Variants in ARTN observed in about 807,000 individuals in gnomAD.
The protein encoded by ARTN is neublastin.
In ARTN, 9 loss-of-function variants were observed where a neutral mutation model predicts 15.4. The ratio of observed to expected loss-of-function variants is 0.58; its 90% CI spans 0.35 to 1.02. The LOEUF (loss-of-function observed/expected upper bound fraction) is 1.02. Ranked by LOEUF, ARTN falls within the 50% of genes least tolerant of loss-of-function variation. The pLI is 0.02. For missense variants in ARTN, 284 were observed against 327.9 expected (o/e 0.87, Z 1.03); for synonymous variants, 163 against 155.8 (o/e 1.05, Z -0.35).
chr1:43,935,384 G>T, intron 2 of ARTN: 1 of 465,440 alleles, frequency 2.1e-6, no homozygotes, highest in Non-Finnish European at 3.8e-6. Context: ...AGCCTTGTTT[G>T]CTCATCTGGA....
chr1:43,935,393 G>A (rs2085079463), intron 2 of ARTN, 197 bp from the exon 3 acceptor site: 1 of 486,140 alleles, frequency 2.1e-6, no homozygotes, highest in Admixed American at 4.0e-5. Context: ...TGCTCATCTG[G>A]AAAAAGGGGA....
Position 43,936,216 on chromosome 1 carries a change from G to C in ARTN, c.184G>C (p.Ala62Pro), listed in dbSNP as rs1473023788. Reference sequence around the variant, plus strand: ...CCCCCCGCCTGTCCTGGCGTCCCCCGCCGGCCACCTGCCGGGTAGGTGAGA... The same window carrying C: ...CCCCCCGCCTGTCCTGGCGTCCCCCCCCGGCCACCTGCCGGGTAGGTGAGA... ...EGPPPVLASP[A>P]GHLPGGRTAR... is the part of the protein sequence containing the mutation. The change falls in exon 4 of 5, where the codon GCC becomes CCC. Residue 62 changes from alanine to proline, a missense_variant. By Grantham distance (27) the Ala-to-Pro change is conservative. Coordinates refer to ENST00000372359, the MANE Select transcript of ARTN (RefSeq NM_057091.3). This position sits in a 1 kb window ranked among gnomAD's most constrained non-coding sequence, Gnocchi z 6.6. 2.7e-6 allele frequency: 4 copies of C among 1,481,780 alleles called. No homozygotes were observed. Among genetic ancestry groups the C allele is most frequent in the Non-Finnish European group, 3.6e-6 (4 of 1,124,920 alleles). The allele number at this position is 1,481,780 out of a possible 1,614,324, so 91.8% of individuals were successfully genotyped here. A position where few individuals can be genotyped will look rare whatever the true frequency, so the allele number is the denominator to read the frequency against.
chr1:43,936,224 C>G lies in ARTN; in HGVS notation c.192C>G (p.His64Gln). The change falls in exon 4 of 5, where the codon CAC becomes CAG. Residue 64 changes from histidine (H) to glutamine (Q), a missense_variant. By Grantham distance (24) the His-to-Gln change is conservative (BLOSUM62 0). Coordinates refer to ENST00000372359, the MANE Select transcript of ARTN (RefSeq NM_057091.3). This position sits in a 1 kb window ranked among gnomAD's most constrained non-coding sequence, Gnocchi z 6.6. ...CTGTCCTGGCGTCCCCCGCCGGCCA[C>G]CTGCCGGGTAGGTGAGAGGGCGAGG... ...PPPVLASPAG[H>Q]LPGGRTARWC... 6.8e-7 allele frequency: 1 copy of G among 1,475,534 alleles called. No individual in the cohort carries two copies. The highest frequency in any genetic ancestry group is 8.9e-7 in the Non-Finnish European group (1 of 1,122,166). 91.4% of individuals were successfully genotyped at this position (1,475,534 alleles called of 1,614,324 possible).
rs564640376 is a variant in ARTN at position 43,935,645 on chromosome 1, G to T, written c.-12G>T. On this transcript the variant is annotated 5_prime_UTR_variant, in exon 3 of 5. Coordinates refer to ENST00000372359, the MANE Select transcript of ARTN (RefSeq NM_057091.3). ...CAACAATGGCTGATGGGCGCTCCTG[G>T]TGTTGATAGAGATGGAACTTGGACT... 1.9e-6 allele frequency: 3 copies of T among 1,613,378 alleles called. No homozygotes were observed. Among genetic ancestry groups the T allele is most frequent in the South Asian group, 1.1e-5 (1 of 90,936 alleles).
chr1:43,936,487 C>T lies in ARTN; in HGVS notation c.385C>T (p.Leu129=). The T allele has an allele frequency of 1.5e-6, 2 of 1,325,912 alleles. No homozygotes were observed. Among genetic ancestry groups the T allele is most frequent in the Non-Finnish European group, 1.9e-6 (2 of 1,038,442 alleles). The allele number at this position is 1,325,912 out of a possible 1,614,324, so 82.1% of individuals were successfully genotyped here. Residue 129 remains leucine, a synonymous_variant, in exon 5 of 5, where the codon CTG becomes TTG. Transcript: ENST00000372359. This position sits in a 1 kb window ranked among gnomAD's most constrained non-coding sequence, Gnocchi z 6.6. ...GCGGGGCTGCCGCCTGCGCTCGCAGCTGGTGCCGGTGCGCGCGCTCGGCCT... is the reference window on the plus strand; with the variant it reads ...GCGGGGCTGCCGCCTGCGCTCGCAGTTGGTGCCGGTGCGCGCGCTCGGCCT... ...GARGCRLRSQ[L]VPVRALGLGH...
At position 43,935,683 on chromosome 1, in the gene ARTN, C is replaced by T. The variant is rs750919096; in HGVS notation, c.27C>T (p.Ser9=). MELGLGGL[S]TLSHCPWPRQ... ...TGGAACTTGGACTTGGAGGCCTCTC[C>T]ACGCTGTCCCACTGCCCCTGGCCTA... is the stretch of plus-strand genomic sequence containing the variant. The change falls in exon 3 of 5, where the codon TCC becomes TCT. Residue 9 remains serine, a synonymous_variant. Coordinates refer to ENST00000372359, the MANE Select transcript of ARTN (RefSeq NM_057091.3). The T allele has an allele frequency of 6.2e-7, 1 of 1,613,448 alleles. No homozygotes were observed. Among genetic ancestry groups the T allele is most frequent in the South Asian group, 1.1e-5 (1 of 90,914 alleles).
chr1:43,936,744 C>G lies in ARTN; in HGVS notation c.642C>G (p.Thr214=). 6.6e-7 allele frequency: 1 copy of G among 1,516,136 alleles called. No individual in the cohort carries two copies. The highest frequency in any genetic ancestry group is 8.9e-7 in the Non-Finnish European group (1 of 1,125,006). 93.9% of individuals were successfully genotyped at this position (1,516,136 alleles called of 1,614,324 possible). A position where few individuals can be genotyped will look rare whatever the true frequency, so the allele number is the denominator to read the frequency against. ...TWRTVDRLSA[T]ACGCLG ...GAACCGTGGACCGCCTCTCCGCCAC[C>G]GCCTGCGGCTGCCTGGGCTGAGGGC... The change falls in exon 5 of 5, where the codon ACC becomes ACG. Residue 214 remains threonine (T), a synonymous_variant. Transcript: ENST00000372359. The surrounding 1 kb of genome is among the most constrained non-coding windows in gnomAD (Gnocchi z 6.6).
Position 43,935,711 on chromosome 1 carries a change from C to A in ARTN, c.55C>A (p.Gln19Lys), listed in dbSNP as rs749216295. The A allele has an allele frequency of 6.2e-7, 1 of 1,611,956 alleles. No homozygotes were observed. The highest frequency in any genetic ancestry group is 1.1e-5 in the South Asian group (1 of 90,698). The change falls in exon 3 of 5, where the codon CAG becomes AAG. Residue 19 changes from glutamine to lysine, a missense_variant. Coordinates refer to ENST00000372359, the MANE Select transcript of ARTN (RefSeq NM_057091.3). ...STLSHCPWPRQQPALWPTLAA... is the reference protein window; with the variant it reads ...STLSHCPWPRKQPALWPTLAA... Reference sequence around the variant, plus strand: ...GCTGTCCCACTGCCCCTGGCCTAGGCAGCAGGTGAGTGGTTCTCCCAGTGA... The same window carrying A: ...GCTGTCCCACTGCCCCTGGCCTAGGAAGCAGGTGAGTGGTTCTCCCAGTGA...
chr1:43,935,642 C>T lies in ARTN; in HGVS notation c.-15C>T, dbSNP rs769931574. ...GCTCAACAATGGCTGATGGGCGCTC[C>T]TGGTGTTGATAGAGATGGAACTTGG... On this transcript the variant is annotated 5_prime_UTR_variant, in exon 3 of 5. Coordinates refer to ENST00000372359, the MANE Select transcript of ARTN (RefSeq NM_057091.3). 6.2e-7 allele frequency: 1 copy of T among 1,613,088 alleles called. No homozygotes were observed. The highest frequency in any genetic ancestry group is 8.5e-7 in the Non-Finnish European group (1 of 1,179,588).
chr1:43,935,992 T>G (rs1313030435), intron 3 of ARTN, 101 bp from the exon 4 acceptor site: 2 of 1,527,468 alleles, frequency 1.3e-6, no homozygotes, highest in Non-Finnish European at 1.8e-6. Flanking sequence ...ATGCCCGGCC[T>G]GATCTCAGCC....
Position 43,936,700 on chromosome 1 carries a change from G to A in ARTN, c.598G>A (p.Asp200Asn), listed in dbSNP as rs1173509465. 3 of 1,590,380 alleles carry A rather than the reference G, an allele frequency of 1.9e-6. 1 individual carries two copies. The South Asian group carries it at 3.4e-5, about 18-fold the overall frequency. The change falls in exon 5 of 5, where the codon GAC becomes AAC. Residue 200 changes from aspartate to asparagine, a missense_variant. Transcript: ENST00000372359. This position sits in a 1 kb window ranked among gnomAD's most constrained non-coding sequence, Gnocchi z 6.6. The stretch of plus-strand genomic sequence containing the variant: ...GCGCTACGAAGCGGTCTCCTTCATG[G>A]ACGTCAACAGCACCTGGAGAACCGT... Reference protein sequence around the residue: ...PTRYEAVSFMDVNSTWRTVDR... With the variant: ...PTRYEAVSFMNVNSTWRTVDR...
chr1:43,936,977 C>T lies in ARTN; in HGVS notation c.*212C>T, dbSNP rs1050758051. 3.3e-6 allele frequency: 2 copies of T among 609,446 alleles called. No homozygotes were observed. Among genetic ancestry groups the T allele is most frequent in the Non-Finnish European group, 4.8e-6 (2 of 417,804 alleles). The allele number at this position is 609,446 out of a possible 1,614,324, so 37.8% of individuals were successfully genotyped here. The stretch of plus-strand genomic sequence containing the variant: ...AGAGCCCTCACCCTGCGGATCCCAG[C>T]CTAAAAGACACCAGAGACCTCAGCT... On this transcript the variant is annotated 3_prime_UTR_variant, in exon 5 of 5. Transcript: ENST00000372359. The surrounding 1 kb of genome is among the most constrained non-coding windows in gnomAD (Gnocchi z 6.6).
chr1:43,935,845 A>T, intron 3 of ARTN, 129 bp downstream of exon 3: 3 of 984,364 alleles, frequency 3.0e-6, no homozygotes, highest in Non-Finnish European at 4.6e-6. Context: ...GGACCAGGTG[A>T]ATGGGAGGAG....
At position 43,936,015 on chromosome 1, in the gene ARTN, CT is replaced by C. The variant is rs752338256; in HGVS notation, c.61-77del. Reference sequence around the variant, plus strand: ...CCTGATCTCAGCCCGAGGACAGCCCCTCCTTGAGGTCCTTCCTCCCCAAGCC... The same window carrying C: ...CCTGATCTCAGCCCGAGGACAGCCCCCCTTGAGGTCCTTCCTCCCCAAGCC... On this transcript the variant is annotated intron_variant, in intron 3 of 4. Coordinates refer to ENST00000372359, the MANE Select transcript of ARTN (RefSeq NM_057091.3). The surrounding 1 kb of genome is among the most constrained non-coding windows in gnomAD (Gnocchi z 6.6). 10 of 1,597,240 alleles carry C rather than the reference CT, an allele frequency of 6.3e-6. No homozygotes were observed. The African/African-American group carries it at 8.0e-5, about 13-fold the overall frequency.
At position 43,936,546 on chromosome 1, in the gene ARTN, C is replaced by T. The variant is rs1571753245; in HGVS notation, c.444C>T (p.Arg148=). The T allele has an allele frequency of 6.5e-7, 1 of 1,528,924 alleles. No homozygotes were observed. The highest frequency in any genetic ancestry group is 1.2e-5 in the South Asian group (1 of 82,204). The allele number at this position is 1,528,924 out of a possible 1,614,324, so 94.7% of individuals were successfully genotyped here. ...GHRSDELVRF[R]FCSGSCRRAR... ...GCTCCGACGAGCTGGTGCGTTTCCG[C>T]TTCTGCAGCGGCTCCTGCCGCCGCG... is the stretch of plus-strand genomic sequence containing the variant. Residue 148 remains arginine (R), a synonymous_variant, in exon 5 of 5, where the codon CGC becomes CGT. Transcript: ENST00000372359. The surrounding 1 kb of genome is among the most constrained non-coding windows in gnomAD (Gnocchi z 6.6).
rs1378904361 is a variant in ARTN, at chr1:43,936,687, G to C, written c.585G>C (p.Ala195=). 5.0e-6 allele frequency: 8 copies of C among 1,596,958 alleles called. No homozygotes were observed. The highest frequency in any genetic ancestry group is 6.8e-6 in the Non-Finnish European group (8 of 1,171,812). ...QPCCRPTRYE[A]VSFMDVNSTW... is the part of the protein sequence containing the mutation. ...GCTGCCGACCCACGCGCTACGAAGC[G>C]GTCTCCTTCATGGACGTCAACAGCA... The change falls in exon 5 of 5, where the codon GCG becomes GCC. Residue 195 remains alanine (A), a synonymous_variant. Coordinates refer to ENST00000372359, the MANE Select transcript of ARTN (RefSeq NM_057091.3). The surrounding 1 kb of genome is among the most constrained non-coding windows in gnomAD (Gnocchi z 6.6).
rs766437568 is a variant in ARTN at position 43,936,622 on chromosome 1, C to A, written c.520C>A (p.Leu174Met). Reference sequence around the variant, plus strand: ...GGCCAGCCTACTGGGCGCCGGGGCCCTGCGACCGCCCCCGGGCTCCCGGCC... The same window carrying A: ...GGCCAGCCTACTGGGCGCCGGGGCCATGCGACCGCCCCCGGGCTCCCGGCC... ...SLASLLGAGA[L>M]RPPPGSRPVS... Residue 174 changes from leucine to methionine, a missense_variant, in exon 5 of 5, where the codon CTG becomes ATG. Leu to Met is a conservative substitution (Grantham distance 15). Coordinates refer to ENST00000372359, the MANE Select transcript of ARTN (RefSeq NM_057091.3). The surrounding 1 kb of genome is among the most constrained non-coding windows in gnomAD (Gnocchi z 6.6). 6.3e-7 allele frequency: 1 copy of A among 1,593,848 alleles called. No homozygotes were observed. Among genetic ancestry groups the A allele is most frequent in the South Asian group, 1.1e-5 (1 of 88,460 alleles).
Position 43,936,277 on chromosome 1 carries a change from C to T in ARTN, c.200-25C>T. On this transcript the variant is annotated intron_variant, in intron 4 of 4. Transcript: ENST00000372359. This position sits in a 1 kb window ranked among gnomAD's most constrained non-coding sequence, Gnocchi z 6.6. ...GCGGGGCGGGGCTGGCCCGGGACACCGCGCGTGACTGGGTCTCATTCCAGG... is the reference window on the plus strand; with the variant it reads ...GCGGGGCGGGGCTGGCCCGGGACACTGCGCGTGACTGGGTCTCATTCCAGG... 1 of 1,384,260 alleles carries T rather than the reference C, an allele frequency of 7.2e-7. No individual in the cohort carries two copies. The highest frequency in any genetic ancestry group is 9.3e-7 in the Non-Finnish European group (1 of 1,078,990). 85.7% of individuals were successfully genotyped at this position (1,384,260 alleles called of 1,614,324 possible).
chr1:43,936,654 C>A lies in ARTN; in HGVS notation c.552C>A (p.Ser184Arg). Residue 184 changes from serine (S) to arginine (R), a missense_variant, in exon 5 of 5, where the codon AGC (serine) becomes AGA (arginine). By Grantham distance (110) the Ser-to-Arg change is moderately radical. Coordinates refer to ENST00000372359, the MANE Select transcript of ARTN (RefSeq NM_057091.3). The surrounding 1 kb of genome is among the most constrained non-coding windows in gnomAD (Gnocchi z 6.6). ...LRPPPGSRPV[S>R]QPCCRPTRYE... ...CGCCCCCGGGCTCCCGGCCCGTCAG[C>A]CAGCCCTGCTGCCGACCCACGCGCT... 1 of 1,595,646 alleles carries A rather than the reference C, an allele frequency of 6.3e-7. No homozygotes were observed. Among genetic ancestry groups the A allele is most frequent in the African/African-American group, 1.3e-5 (1 of 74,246 alleles).
Sources: gnomAD v4.1 joint callset for allele counts on GRCh38, gnomAD v4.1.1 for gene constraint, Gnocchi (gnomAD v3.1) non-coding constraint, MANE v1.5 for transcripts, NCBI Gene and HGNC (gene_info 2026-07-23, HGNC 2026-07-21) for gene names.